Variants in AKIRIN2 observed in about 807,000 individuals in gnomAD.
The protein encoded by AKIRIN2 is akirin 2, also known as akirin-2.
In AKIRIN2, 6 loss-of-function variants were observed where a neutral mutation model predicts 29.3. The observed-to-expected ratio is 0.20, with a 90% CI of 0.11 to 0.40. The LOEUF (loss-of-function observed/expected upper bound fraction) is 0.40. Among genes scored for constraint, AKIRIN2 ranks in the 10% least tolerant of loss-of-function variants. The pLI, the probability that AKIRIN2 is intolerant of heterozygous loss-of-function variation, is 1.00. For synonymous variants in AKIRIN2, 128 were observed against 117.5 expected (o/e 1.09, Z -0.58); for missense variants, 210 against 276.1 (o/e 0.76, Z 1.70).
chr6:87,698,175 T>TCC (rs981010119), intron 1 of AKIRIN2, among the ~76,000 whole-genome samples: 1 of 152,032 alleles, frequency 6.6e-6, no homozygotes, highest in Non-Finnish European at 1.5e-5. Flanking sequence ...ATGCTTCTGC[T>TCC]CCCCCTCCCC....
In AKIRIN2 at chr6:87,691,440, TAAAAA is replaced by T. The variant is rs34981397; in HGVS notation, c.236-9682_236-9678del. On this transcript the variant is annotated intron_variant, in intron 1 of 4. Coordinates refer to ENST00000257787, the MANE Select transcript of AKIRIN2 (RefSeq NM_018064.4). ...TGGGAAACAGGGCAAAACCTCATCTTAAAAAAAAAAAAAAAAAAAAAAAAAGTCCA... is the reference window on the plus strand; with the variant it reads ...TGGGAAACAGGGCAAAACCTCATCTTAAAAAAAAAAAAAAAAAAAAGTCCA... 1.1e-4 allele frequency among the ~76,000 whole-genome samples: 9 copies of T among 84,836 alleles called. No individual in the cohort carries two copies. The East Asian group carries it at 2.9e-3, about 28-fold the overall frequency. The allele number at this position is 84,836 out of a possible 152,430, so 55.7% of individuals were successfully genotyped here.
intron 1 of AKIRIN2, among the ~76,000 whole-genome samples, chr6:87,693,882 T>C (rs748074756): frequency 1.3e-5 from 2 of 152,146 alleles, no homozygotes; most frequent in Non-Finnish European, 2.9e-5. Flanking sequence ...CTCTCTATCA[T>C]AGCAACTAAA....
rs557473783 is a variant in AKIRIN2 at position 87,682,122 on chromosome 6, C to T, written c.236-359G>A. Among the ~76,000 whole-genome samples the T allele has an allele frequency of 7.9e-5, 12 of 152,340 alleles. No homozygotes were observed. The South Asian group carries it at 2.5e-3, about 32-fold the overall frequency. On this transcript the variant is annotated intron_variant, in intron 1 of 4. Transcript: ENST00000257787. ...TTATTCATCACATAGAACTATTACA[C>T]TAACAGGCTTTTCCAACTGCCTTTA...
At chr6:87,687,867 G>C (rs1422610258) in intron 1 of AKIRIN2, among the ~76,000 whole-genome samples, 1 of 152,138 alleles carries the variant, frequency 6.6e-6, no homozygotes, top group African/African-American at 2.4e-5. Context: ...AGAAAGCATG[G>C]CTGCACGCAG....
At chr6:87,691,582 G>A (rs1262562969) in intron 1 of AKIRIN2, among the ~76,000 whole-genome samples, 1 of 152,128 alleles carries the variant, frequency 6.6e-6, no homozygotes. Context: ...TGACTGCTTA[G>A]GGAGCTATTA....
chr6:87,693,014 G>T (rs905688527), intron 1 of AKIRIN2, among the ~76,000 whole-genome samples: 3 of 151,980 alleles, frequency 2.0e-5, no homozygotes, highest in Non-Finnish European at 4.4e-5. Context: ...GGATCAACGA[G>T]GTCAGGAGAT....
chr6:87,692,121 C>T (rs1410141807), intron 1 of AKIRIN2, among the ~76,000 whole-genome samples: 1 of 152,162 alleles, frequency 6.6e-6, no homozygotes, highest in African/African-American at 2.4e-5. Flanking sequence ...TAGAACAGGA[C>T]AGGCTCAAAT....
chr6:87,701,515 G>A lies in AKIRIN2; in HGVS notation c.170C>T (p.Ser57Leu). ...TAASFSAAAA[S>L]PQKYLRMEPS... ...CTCCATTCGGAGATACTTCTGCGGCGAGGCGGCCGCAGCGGAGAAGGAGGC... is the reference window on the plus strand; with the variant it reads ...CTCCATTCGGAGATACTTCTGCGGCAAGGCGGCCGCAGCGGAGAAGGAGGC... Residue 57 changes from serine to leucine, a missense_variant, in exon 1 of 5, where the codon TCG (serine) becomes TTG (leucine). This residue lies in a region of AKIRIN2 where 199 missense variants were observed against 236.5 expected (regional missense o/e 0.84). Coordinates refer to ENST00000257787, the MANE Select transcript of AKIRIN2 (RefSeq NM_018064.4). 4.8e-6 allele frequency: 7 copies of A among 1,453,040 alleles called. No individual in the cohort carries two copies. Among genetic ancestry groups the A allele is most frequent in the East Asian group, 2.8e-5 (1 of 35,448 alleles). 90.0% of individuals were successfully genotyped at this position (1,453,040 alleles called of 1,614,324 possible).
chr6:87,676,447 C>CAAAAAAAAAAAAA (rs71021319), intron 3 of AKIRIN2, among the ~76,000 whole-genome samples: 1 of 41,916 alleles, frequency 2.4e-5, no homozygotes, highest in East Asian at 8.1e-4. Flanking sequence ...GCCTGGGCAA[C>CAAAAAAAAAAAAA]AAAAAAAAAA....
intron 1 of AKIRIN2, chr6:87,700,659 G>A (rs1224945869): frequency 1.3e-5 from 2 of 152,364 alleles, no homozygotes; most frequent in African/African-American, 4.8e-5. Flanking sequence ...TTATTCTCAA[G>A]GCTAGGTTGT....
intron 1 of AKIRIN2, among the ~76,000 whole-genome samples, chr6:87,700,077 T>C (rs75353598): frequency 0.031 from 4,767 of 152,036 alleles, 252 homozygotes; most frequent in African/African-American, 0.11. Context: ...AATCAACAAA[T>C]GCCTTTTCAA....
chr6:87,676,812 T>C (rs140739723), intron 3 of AKIRIN2, among the ~76,000 whole-genome samples: 2,348 of 136,994 alleles, frequency 0.017, 25 homozygotes, highest in African/African-American at 0.028. Context: ...CATGGTGGCT[T>C]ACGCCTGTAA....
chr6:87,688,059 G>C (rs1437268809), intron 1 of AKIRIN2, among the ~76,000 whole-genome samples: 1 of 152,050 alleles, frequency 6.6e-6, no homozygotes, highest in Non-Finnish European at 1.5e-5. Context: ...TTGATCCCAG[G>C]AGTGCCAGGC....
chr6:87,676,447 CAAAAAAAAAAAAA>C (rs71021319), intron 3 of AKIRIN2, among the ~76,000 whole-genome samples: 3 of 41,908 alleles, frequency 7.2e-5, no homozygotes, highest in South Asian at 1.2e-3. Flanking sequence ...GCCTGGGCAA[CAAAAAAAAAAAAA>C]AAAAAAAAAA....
chr6:87,687,447 A>AAAAAC (rs1482927360), intron 1 of AKIRIN2, among the ~76,000 whole-genome samples: 4 of 151,082 alleles, frequency 2.6e-5, no homozygotes, highest in Non-Finnish European at 4.4e-5. Flanking sequence ...TTCAAAAAAA[A>AAAAAC]AAAAAAAAAC....
At chr6:87,699,058 C>T (rs1359229876) in intron 1 of AKIRIN2, among the ~76,000 whole-genome samples, 1 of 152,168 alleles carries the variant, frequency 6.6e-6, no homozygotes, top group Non-Finnish European at 1.5e-5. Context: ...CACAAGTTTG[C>T]CAATCTCAAT....
chr6:87,680,605 T>C (rs1388626855), intron 2 of AKIRIN2, among the ~76,000 whole-genome samples: 1 of 151,980 alleles, frequency 6.6e-6, no homozygotes, highest in Non-Finnish European at 1.5e-5. Flanking sequence ...TTTCCTTCCC[T>C]TGCTAGGGGG....
In AKIRIN2 at chr6:87,679,998, CAAT is replaced by C. The variant is rs373596628; in HGVS notation, c.379+1619_379+1621del. On this transcript the variant is annotated intron_variant, in intron 2 of 4. Transcript: ENST00000257787. ...ATGCTTATTAGAACTGTGCATACCA[CAAT>C]AACAAAGCCCACCAGCTTTATTCCA... 8.5e-5 allele frequency among the ~76,000 whole-genome samples: 13 copies of C among 152,328 alleles called. No homozygotes were observed. In the East Asian group the frequency reaches 2.1e-3, roughly 25 times the overall value.
intron 1 of AKIRIN2, among the ~76,000 whole-genome samples, chr6:87,693,953 T>C (rs542244277): frequency 6.6e-6 from 1 of 152,318 alleles, no homozygotes; most frequent in Non-Finnish European, 1.5e-5. Context: ...AATCATATTT[T>C]AGTAGGAGGA....
Sources: gnomAD v4.1 joint callset for allele counts (sites outside exome capture counted in the v4.1 genomes callset) on GRCh38, gnomAD v4.1.1 for gene constraint, gnomAD v4.1.1 regional missense constraint, MANE v1.5 for transcripts, NCBI Gene and HGNC (gene_info 2026-07-23, HGNC 2026-07-21) for gene names.